SLC24A3: variants seen among roughly 807,000 people sequenced by gnomAD.
SLC24A3 encodes the protein sodium/potassium/calcium exchanger 3.
SLC24A3 carries 28 observed loss-of-function variants against 75.8 expected under a neutral mutation model. That is an observed-to-expected ratio of 0.37 (90% confidence interval 0.27 to 0.51). SLC24A3 has a LOEUF of 0.51. Ranked by LOEUF, SLC24A3 falls within the 20% of genes least tolerant of loss-of-function variation. The pLI, the probability that SLC24A3 is intolerant of heterozygous loss-of-function variation, is 0.94. For missense variants in SLC24A3, 663 were observed against 847.8 expected (o/e 0.78, Z 2.71); for synonymous variants, 372 against 334.1 (o/e 1.11, Z -1.24).
chr20:19,466,386 A>G (rs1271534841), intron 2 of SLC24A3, among the ~76,000 whole-genome samples: 2 of 152,194 alleles, frequency 1.3e-5, no homozygotes, highest in Non-Finnish European at 2.9e-5. Context: ...CAACACTGGA[A>G]AGGGAGTCAG....
intron 2 of SLC24A3, among the ~76,000 whole-genome samples, chr20:19,318,328 A>G (rs1408140133): frequency 2.0e-5 from 3 of 152,180 alleles, no homozygotes; most frequent in Non-Finnish European, 4.4e-5. Context: ...CAAGACATTT[A>G]CTTGCATCCT....
chr20:19,317,594 CCCCCG>C (rs1451385909), intron 2 of SLC24A3, among the ~76,000 whole-genome samples: 1 of 152,198 alleles, frequency 6.6e-6, no homozygotes, highest in Non-Finnish European at 1.5e-5. Flanking sequence ...AGCTTCCCAT[CCCCCG>C]CCCCAGGACA....
chr20:19,350,411 C>T (rs6046009), intron 2 of SLC24A3, among the ~76,000 whole-genome samples: 81,625 of 151,930 alleles, frequency 0.54, 23,261 homozygotes, highest in African/African-American at 0.73. Flanking sequence ...TTTATGATGA[C>T]TTTTTGTGCT....
intron 1 of SLC24A3, among the ~76,000 whole-genome samples, chr20:19,271,934 A>C (rs1486046959): frequency 6.6e-6 from 1 of 152,214 alleles, no homozygotes; most frequent in Non-Finnish European, 1.5e-5. Context: ...TAAAAATCTT[A>C]TCCATGTAAC....
chr20:19,416,314 A>G (rs1986826491), intron 2 of SLC24A3, among the ~76,000 whole-genome samples: 1 of 152,220 alleles, frequency 6.6e-6, no homozygotes, highest in Non-Finnish European at 1.5e-5. Context: ...CGATTCAGGA[A>G]ACGTGGCCCT....
chr20:19,267,199 A>G (rs1983192683), intron 1 of SLC24A3, among the ~76,000 whole-genome samples: 1 of 152,214 alleles, frequency 6.6e-6, no homozygotes, highest in Non-Finnish European at 1.5e-5. Context: ...TTTTGAAAAT[A>G]TTAGTTCCAT....
intron 3 of SLC24A3, among the ~76,000 whole-genome samples, chr20:19,560,374 AC>A (rs931902818): frequency 6.6e-6 from 1 of 152,056 alleles, no homozygotes; most frequent in African/African-American, 2.4e-5. Flanking sequence ...GGCTTTTAAA[AC>A]CCGGGCACTT....
intron 9 of SLC24A3, among the ~76,000 whole-genome samples, chr20:19,675,517 G>C (rs1301984542): frequency 6.6e-6 from 1 of 152,244 alleles, no homozygotes; most frequent in Non-Finnish European, 1.5e-5. Context: ...AGGGTGGGCT[G>C]TAGGCAATCT....
At chr20:19,274,945 C>T (rs556390901) in intron 1 of SLC24A3, among the ~76,000 whole-genome samples, 61 of 152,316 alleles carry the variant, frequency 4.0e-4, no homozygotes, top group African/African-American at 1.4e-3. Flanking sequence ...TTAGTGCTGC[C>T]GCCCTTGGCT....
At chr20:19,668,157 C>T (rs1453628891) in intron 8 of SLC24A3, among the ~76,000 whole-genome samples, 1 of 152,182 alleles carries the variant, frequency 6.6e-6, no homozygotes, top group Non-Finnish European at 1.5e-5. Context: ...TGTTATTACA[C>T]GCATGGGCTG....
At chr20:19,680,366 A>G (rs1568695905) in intron 9 of SLC24A3, among the ~76,000 whole-genome samples, 1 of 152,032 alleles carries the variant, frequency 6.6e-6, no homozygotes, top group Non-Finnish European at 1.5e-5. Context: ...AGGCTAGACT[A>G]TGTCCCAAGT....
intron 3 of SLC24A3, among the ~76,000 whole-genome samples, chr20:19,533,834 G>A (rs1358622613): frequency 2.0e-5 from 3 of 152,230 alleles, no homozygotes; most frequent in East Asian, 3.8e-4. Context: ...CTGTAAGATG[G>A]AGTAGATGAA....
Position 19,305,738 on chromosome 20 carries a change from T to C in SLC24A3, c.271+24651T>C, listed in dbSNP as rs564138323. On this transcript the variant is annotated intron_variant, in intron 2 of 16. Coordinates refer to ENST00000328041, the MANE Select transcript of SLC24A3 (RefSeq NM_020689.4). ...GAAACTAGACCCCATTCTTTCACCATATACAAAAATTAACCAAGACCTCAA... is the reference window on the plus strand; with the variant it reads ...GAAACTAGACCCCATTCTTTCACCACATACAAAAATTAACCAAGACCTCAA... Among the ~76,000 whole-genome samples the C allele has an allele frequency of 1.7e-4, 26 of 152,254 alleles. No homozygotes were observed. The East Asian group carries it at 4.8e-3, about 28-fold the overall frequency.
chr20:19,329,720 T>TA (rs1170788063), intron 2 of SLC24A3, among the ~76,000 whole-genome samples: 1 of 152,224 alleles, frequency 6.6e-6, no homozygotes, highest in East Asian at 1.9e-4. Context: ...GCCCCAGAAA[T>TA]ATTTTTCCCC....
At chr20:19,593,296 G>A (rs531985334) in intron 6 of SLC24A3, among the ~76,000 whole-genome samples, 1 of 152,308 alleles carries the variant, frequency 6.6e-6, no homozygotes, top group South Asian at 2.1e-4. Context: ...TTGAACCAAA[G>A]CCAGGTCACC....
chr20:19,268,481 C>T (rs1246240004), intron 1 of SLC24A3, among the ~76,000 whole-genome samples: 8 of 152,170 alleles, frequency 5.3e-5, no homozygotes, highest in African/African-American at 1.9e-4. Flanking sequence ...CTCTTAAAGT[C>T]CAAACGCAAA....
chr20:19,224,332 G>A (rs1410558546), intron 1 of SLC24A3, among the ~76,000 whole-genome samples: 2 of 152,146 alleles, frequency 1.3e-5, no homozygotes, highest in African/African-American at 4.8e-5. Flanking sequence ...CAATTAAAAA[G>A]TATAACGTCA....
chr20:19,274,658 G>A (rs993485811), intron 1 of SLC24A3, among the ~76,000 whole-genome samples: 1 of 152,138 alleles, frequency 6.6e-6, no homozygotes, highest in Non-Finnish European at 1.5e-5. Flanking sequence ...ACGAAGCCAG[G>A]GCCTCCACTG....
intron 1 of SLC24A3, among the ~76,000 whole-genome samples, chr20:19,245,036 G>C (rs543120424): frequency 1.3e-5 from 2 of 152,290 alleles, no homozygotes; most frequent in East Asian, 3.9e-4. Context: ...CATGAAAGAG[G>C]AGCCTTTTGA....
Sources: allele counts gnomAD v4.1 joint callset (sites outside exome capture counted in the v4.1 genomes callset), GRCh38; gene constraint gnomAD v4.1.1; transcripts MANE v1.5; gene names NCBI Gene and HGNC (gene_info 2026-07-23, HGNC 2026-07-21).